The following STARD13 variants were observed in gnomAD, a reference collection of about 807,000 sequenced individuals.
STARD13 encodes the protein StAR related lipid transfer domain containing 13.
A neutral mutation model predicts 106.4 loss-of-function variants in STARD13; 62 were observed. The observed-to-expected ratio is 0.58, with a 90% CI of 0.48 to 0.72. The LOEUF (loss-of-function observed/expected upper bound fraction) is 0.72, where lower values mean the gene tolerates loss of function less well. STARD13 is among the 30% of genes least tolerant of loss of function. The pLI, the probability that STARD13 is intolerant of heterozygous loss-of-function variation, is 0.00. For synonymous variants in STARD13, 565 were observed against 553.0 expected, an observed-to-expected ratio of 1.02 and a Z score of -0.31; for missense variants, 1,387 against 1,424.0, an observed-to-expected ratio of 0.97 and a Z score of 0.42.
At chr13:33,584,427 T>C in the STARD13 span, among the ~76,000 whole-genome samples, 1 of 151,550 alleles carries the variant, frequency 6.6e-6, no homozygotes, top group East Asian at 2.0e-4. Flanking sequence ...CTCATGATAA[T>C]TCACTCCCTA....
chr13:33,525,005 TTTTAG>T, the STARD13 span, among the ~76,000 whole-genome samples: 1 of 152,068 alleles, frequency 6.6e-6, no homozygotes, highest in Non-Finnish European at 1.5e-5. Context: ...AAGTGTTTTA[TTTTAG>T]TTTAGTTTTA....
the STARD13 span, among the ~76,000 whole-genome samples, chr13:33,461,296 G>T: frequency 6.6e-6 from 1 of 152,196 alleles, no homozygotes; most frequent in Non-Finnish European, 1.5e-5. Context: ...ACACAACAAA[G>T]CCTGTGACAT....
chr13:33,638,550 C>T, the STARD13 span, among the ~76,000 whole-genome samples: 1 of 152,146 alleles, frequency 6.6e-6, no homozygotes, highest in Non-Finnish European at 1.5e-5. Context: ...ATTGTAGAGA[C>T]CAAGTTCCTT....
the STARD13 span, among the ~76,000 whole-genome samples, chr13:33,571,311 AG>A: frequency 2.0e-5 from 3 of 152,216 alleles, no homozygotes; most frequent in Middle Eastern, 6.3e-3. Context: ...CTCCTCACAA[AG>A]TAAACAAAGG....
At chr13:33,607,417 C>T in the STARD13 span, among the ~76,000 whole-genome samples, 1 of 151,854 alleles carries the variant, frequency 6.6e-6, no homozygotes, top group Non-Finnish European at 1.5e-5. Context: ...CCTGCCTCAG[C>T]CTCCAAGTAT....
chr13:33,637,174 G>C, the STARD13 span, among the ~76,000 whole-genome samples: 2 of 152,214 alleles, frequency 1.3e-5, no homozygotes, highest in African/African-American at 4.8e-5. Flanking sequence ...GAGACACAGA[G>C]AGAAGGTAAA....
chr13:33,364,820 C>T, the STARD13 span, among the ~76,000 whole-genome samples: 1 of 152,038 alleles, frequency 6.6e-6, no homozygotes, highest in South Asian at 2.1e-4. Context: ...ACCCGGGAGG[C>T]GGAGCTTGCA....
the STARD13 span, among the ~76,000 whole-genome samples, chr13:33,446,614 AT>A: frequency 6.6e-5 from 10 of 152,300 alleles, no homozygotes; most frequent in East Asian, 1.9e-3. Context: ...GGACTGAAAA[AT>A]ATTTCAGTTT....
intron 1 of STARD13, among the ~76,000 whole-genome samples, chr13:33,204,684 C>T (rs1294126175): frequency 1.3e-5 from 2 of 152,176 alleles, no homozygotes; most frequent in Non-Finnish European, 2.9e-5. Context: ...GTCTCTGCAC[C>T]AGCTCTATGT....
At chr13:33,651,301 A>C in the STARD13 span, among the ~76,000 whole-genome samples, 1 of 152,228 alleles carries the variant, frequency 6.6e-6, no homozygotes, top group African/African-American at 2.4e-5. Flanking sequence ...ACTTTCATTA[A>C]AAAATGAAAA....
chr13:33,547,159 G>T, the STARD13 span, among the ~76,000 whole-genome samples: 2 of 152,240 alleles, frequency 1.3e-5, no homozygotes, highest in South Asian at 2.1e-4. Flanking sequence ...GCCATGTATT[G>T]ATCAGAATTA....
rs1327811953 is a variant in STARD13, at chr13:33,109,946, T to C, written c.2974A>G (p.Arg992Gly). 1 of 1,614,198 alleles carries C rather than the reference T, an allele frequency of 6.2e-7. No individual in the cohort carries two copies. Among genetic ancestry groups the C allele is most frequent in the East Asian group, 2.2e-5 (1 of 44,890 alleles). The change falls in exon 12 of 14, where the codon AGG (arginine) becomes GGG (glycine). Residue 992 changes from arginine (R) to glycine (G), a missense_variant. Arg to Gly is a moderately radical substitution (Grantham distance 125, BLOSUM62 -2). Transcript: ENST00000336934. The stretch of plus-strand genomic sequence containing the variant: ...ACATACTGGTAGATCTCTGTTTGCC[T>C]GTCTAGAGTTTCCACAACCTTCCAC... ...VQWKVVETLD[R>G]QTEIYQYVLN...
the STARD13 span, among the ~76,000 whole-genome samples, chr13:33,552,578 A>G: frequency 6.6e-6 from 1 of 152,236 alleles, no homozygotes; most frequent in South Asian, 2.1e-4. Context: ...ATATACTTAA[A>G]CTATAAATTT....
the STARD13 span, among the ~76,000 whole-genome samples, chr13:33,523,229 C>A: frequency 0.28 from 42,767 of 151,618 alleles, 7,341 homozygotes; most frequent in Non-Finnish European, 0.39. Flanking sequence ...TCTTCTTTGT[C>A]AGGCAGAAGT....
chr13:33,153,269 C>A (rs987657067), intron 3 of STARD13, among the ~76,000 whole-genome samples: 1 of 152,180 alleles, frequency 6.6e-6, no homozygotes, highest in Non-Finnish European at 1.5e-5. Context: ...CTGTTGAGCA[C>A]TTGGAAATTG....
At chr13:33,221,401 A>G (rs114801443) in intron 1 of STARD13, among the ~76,000 whole-genome samples, 1,962 of 152,304 alleles carry the variant, frequency 0.013, 54 homozygotes, top group African/African-American at 0.045. Context: ...CACGGTAAAC[A>G]TTTCCTTGCT....
the STARD13 span, among the ~76,000 whole-genome samples, chr13:33,641,343 A>C: frequency 6.6e-6 from 1 of 152,182 alleles, no homozygotes; most frequent in Non-Finnish European, 1.5e-5. Flanking sequence ...TGCCTCCCAA[A>C]GACTGCTGGG....
At chr13:33,427,708 C>A in the STARD13 span, among the ~76,000 whole-genome samples, 1 of 152,148 alleles carries the variant, frequency 6.6e-6, no homozygotes, top group Non-Finnish European at 1.5e-5. Context: ...GTAATCCCAG[C>A]ACTTTGGGAG....
chr13:33,118,181 T>G lies in STARD13; in HGVS notation c.2165A>C (p.Asn722Thr). 1 of 1,614,236 alleles carries G rather than the reference T, an allele frequency of 6.2e-7. No homozygotes were observed. ...ATCATAAGCAGACTGGTCTTCATAG[T>G]TGACGTTCTCAGGGAAGTTTTCATT... ...QMNENFPENV[N>T]YEDQSAYDVA... Residue 722 changes from asparagine to threonine, a missense_variant, in exon 8 of 14, where the codon AAC (asparagine) becomes ACC (threonine). By Grantham distance (65) the Asn-to-Thr change is moderately conservative. Coordinates refer to ENST00000336934, the MANE Select transcript of STARD13 (RefSeq NM_178006.4).
Sources: gnomAD v4.1 joint callset for allele counts (sites outside exome capture counted in the v4.1 genomes callset) on GRCh38, gnomAD v4.1.1 for gene constraint, MANE v1.5 for transcripts, NCBI Gene and HGNC (gene_info 2026-07-23, HGNC 2026-07-21) for gene names.